The following ALMS1 variants were observed in gnomAD, a reference collection of about 807,000 sequenced individuals.
ALMS1 encodes the protein ALMS1 centrosome and basal body associated protein.
A neutral mutation model predicts 352.2 loss-of-function variants in ALMS1; 271 were observed. That is an observed-to-expected ratio of 0.77 (90% CI 0.70 to 0.85). ALMS1 has a LOEUF of 0.85. Ranked by LOEUF, ALMS1 falls within the 40% of genes least tolerant of loss-of-function variation. ALMS1 has a pLI of 0.00. For synonymous variants in ALMS1, 1,865 were observed against 1,761.2 expected (o/e 1.06, Z -1.48); for missense variants, 5,445 against 4,870.7 (o/e 1.12, Z -3.51).
At chr2:73,584,264 G>A (rs1342987100) in intron 16 of ALMS1, among the ~76,000 whole-genome samples, 1 of 152,140 alleles carries the variant, frequency 6.6e-6, no homozygotes, top group African/African-American at 2.4e-5. Flanking sequence ...ATTTATAGTA[G>A]TAGTATTACT....
chr2:73,496,682 C>T (rs1211210816), intron 10 of ALMS1, among the ~76,000 whole-genome samples: 1 of 152,106 alleles, frequency 6.6e-6, no homozygotes, highest in African/African-American at 2.4e-5. Flanking sequence ...GTGTCTGTAT[C>T]ATTTTGCATT....
intron 2 of ALMS1, among the ~76,000 whole-genome samples, chr2:73,414,489 G>GGTTTTTTTTTTTTTGT (rs201673681): frequency 1.1e-5 from 1 of 94,246 alleles, no homozygotes; most frequent in African/African-American, 4.5e-5. Context: ...TTTTTTTTTT[G>GGTTTTTTTTTTTTTGT]TTTTTTTTTT....
At chr2:73,562,986 G>A (rs1674696823) in intron 15 of ALMS1, among the ~76,000 whole-genome samples, 2 of 151,690 alleles carry the variant, frequency 1.3e-5, no homozygotes, top group South Asian at 4.2e-4. Context: ...TGGAGGTAAA[G>A]GGAGGGAAAA....
In ALMS1 at chr2:73,491,283, A is replaced by G. The variant is rs747570402; in HGVS notation, c.9324A>G (p.Ala3108=). The G allele has an allele frequency of 8.1e-6, 13 of 1,614,168 alleles. No individual in the cohort carries two copies. In the East Asian group the frequency reaches 2.9e-4, roughly 36 times the overall value. ...TSKLLTSKPV[A]QDQESLGFLG... ...AATTATTGACCAGTAAACCTGTAGC[A>G]CAGGATCAAGAATCTTTAGGTTTTC... The change falls in exon 10 of 23, where the codon GCA becomes GCG. Residue 3108 remains alanine, a synonymous_variant. Transcript: ENST00000613296.
At chr2:73,439,115 TC>T (rs1671665167) in intron 7 of ALMS1, among the ~76,000 whole-genome samples, 6 of 119,786 alleles carry the variant, frequency 5.0e-5, no homozygotes, top group African/African-American at 2.1e-4. Flanking sequence ...CTCCTCCTCC[TC>T]TTTTTTTTTT....
rs1462021187 is a variant in ALMS1 at position 73,534,953 on chromosome 2, T to C, written c.9907+4T>C. Reference sequence around the variant, plus strand: ...ACCGTTGAAAGCTCCCATTCAGGTATTATGCAGAAATTATTCGAAGTTTTA... The same window carrying C: ...ACCGTTGAAAGCTCCCATTCAGGTACTATGCAGAAATTATTCGAAGTTTTA... On this transcript the variant is annotated splice_donor_region_variant and intron_variant, in intron 12 of 22. Transcript: ENST00000613296. 6.2e-7 allele frequency: 1 copy of C among 1,613,566 alleles called. No homozygotes were observed. The highest frequency in any genetic ancestry group is 8.5e-7 in the Non-Finnish European group (1 of 1,179,670).
At chr2:73,561,065 T>C (rs1419270546) in intron 15 of ALMS1, among the ~76,000 whole-genome samples, 1 of 152,202 alleles carries the variant, frequency 6.6e-6, no homozygotes, top group Non-Finnish European at 1.5e-5. Flanking sequence ...ACAAAGACAG[T>C]TAATCAAATT....
At chr2:73,584,746 C>G (rs1322550080) in intron 16 of ALMS1, among the ~76,000 whole-genome samples, 5 of 152,208 alleles carry the variant, frequency 3.3e-5, no homozygotes, top group African/African-American at 1.2e-4. Flanking sequence ...GCAGTATACA[C>G]TGCACCTAAT....
At chr2:73,568,485 ATATT>A (rs1446458151) in intron 15 of ALMS1, among the ~76,000 whole-genome samples, 1 of 152,220 alleles carries the variant, frequency 6.6e-6, no homozygotes, top group Non-Finnish European at 1.5e-5. Context: ...AACAACCTAA[ATATT>A]TAGTTAAATT....
intron 9 of ALMS1, among the ~76,000 whole-genome samples, chr2:73,479,053 T>C (rs1572959666): frequency 6.6e-6 from 1 of 152,170 alleles, no homozygotes; most frequent in African/African-American, 2.4e-5. Context: ...TATTCCATGG[T>C]ATATATGTGC....
Position 73,451,800 on chromosome 2 carries a change from T to G in ALMS1, c.5273T>G (p.Phe1758Cys). 1 of 1,613,286 alleles carries G rather than the reference T, an allele frequency of 6.2e-7. No homozygotes were observed. Among genetic ancestry groups the G allele is most frequent in the East Asian group, 2.2e-5 (1 of 44,778 alleles). Residue 1758 changes from phenylalanine (F) to cysteine (C), a missense_variant, in exon 8 of 23, where the codon TTC becomes TGC. Phe to Cys is a radical substitution (Grantham distance 205). Coordinates refer to ENST00000613296, the MANE Select transcript of ALMS1 (RefSeq NM_001378454.1). ...GGGTTATCTACTGTAACTTCCTCTT[T>G]CTATTCACATACAGAGAAGCCTAAT... ...KTGLSTVTSS[F>C]YSHTEKPNIS... is the part of the protein sequence containing the mutation.
intron 7 of ALMS1, among the ~76,000 whole-genome samples, chr2:73,435,247 CATT>C (rs1194804541): frequency 6.6e-6 from 1 of 152,052 alleles, no homozygotes; most frequent in African/African-American, 2.4e-5. Flanking sequence ...CATTTAATGT[CATT>C]ATTGATGTGA....
At chr2:73,541,018 A>G (rs1354783747) in intron 12 of ALMS1, among the ~76,000 whole-genome samples, 2 of 152,216 alleles carry the variant, frequency 1.3e-5, no homozygotes, top group Admixed American at 6.5e-5. Flanking sequence ...TGCATGAAGC[A>G]GACCTAACAG....
intron 16 of ALMS1, 197 bp downstream of exon 16, chr2:73,573,621 G>GAATT: frequency 1.4e-6 from 1 of 691,092 alleles, no homozygotes; most frequent in Non-Finnish European, 2.6e-6. Context: ...ATTCATTTAC[G>GAATT]AATTACCTTT....
intron 1 of ALMS1, among the ~76,000 whole-genome samples, chr2:73,406,855 G>C (rs1670982350): frequency 6.6e-6 from 1 of 152,064 alleles, no homozygotes; most frequent in East Asian, 1.9e-4. Context: ...TCAAACTCCT[G>C]ACCTCAAGTG....
chr2:73,593,137 A>G (rs1046880545), intron 16 of ALMS1, among the ~76,000 whole-genome samples: 10 of 151,854 alleles, frequency 6.6e-5, no homozygotes, highest in Admixed American at 1.3e-4. Flanking sequence ...TCTCCCACGG[A>G]CTAAGGAAAG....
intron 9 of ALMS1, among the ~76,000 whole-genome samples, chr2:73,478,356 G>T (rs1217259073): frequency 1.3e-5 from 2 of 152,168 alleles, no homozygotes; most frequent in African/African-American, 4.8e-5. Flanking sequence ...AAGCTTGAAA[G>T]ATGCAATGGG....
At chr2:73,479,143 AT>A (rs1193645589) in intron 9 of ALMS1, among the ~76,000 whole-genome samples, 3 of 151,996 alleles carry the variant, frequency 2.0e-5, no homozygotes, top group Non-Finnish European at 4.4e-5. Flanking sequence ...GTGGTATTTA[AT>A]TTTTTTTAAG....
chr2:73,561,246 T>G (rs1674656188), intron 15 of ALMS1, among the ~76,000 whole-genome samples: 1 of 152,226 alleles, frequency 6.6e-6, no homozygotes, highest in African/African-American at 2.4e-5. Context: ...ACTTCTTAGA[T>G]AAAACAGAAT....
Sources: allele counts gnomAD v4.1 joint callset (sites outside exome capture counted in the v4.1 genomes callset), GRCh38; gene constraint gnomAD v4.1.1; transcripts MANE v1.5; gene names NCBI Gene and HGNC (gene_info 2026-07-23, HGNC 2026-07-21).